Variants in OPA3 observed in about 807,000 individuals in gnomAD.
OPA3 encodes the protein optic atrophy 3 protein.
In OPA3, 6 loss-of-function variants were observed where a neutral mutation model predicts 4.0. The ratio of observed to expected loss-of-function variants is 1.51; its 90% CI spans 0.83 to 2.99. OPA3 has a LOEUF of 2.99. OPA3 is among the 30% of genes most tolerant of loss of function. The pLI is 0.00. For missense variants in OPA3, 235 were observed against 256.2 expected (o/e 0.92, Z 0.56); for synonymous variants, 105 against 117.1 (o/e 0.90, Z 0.67).
In OPA3 at chr19:45,549,362, T is replaced by TCAGGGCAGGG; in HGVS notation, c.*4142_*4151dup. On this transcript the variant is annotated 3_prime_UTR_variant, in exon 2 of 2. Coordinates refer to ENST00000263275, the MANE Select transcript of OPA3 (RefSeq NM_025136.4). ...GCTGCCCACGATGACTGGCTGCCTGTCAGGGCAGGGCAGGGCAGGGCTGAG... is the reference window on the plus strand; with the variant it reads ...GCTGCCCACGATGACTGGCTGCCTGTCAGGGCAGGGCAGGGCAGGGCAGGGCAGGGCTGAG... 3 of 983,942 alleles carry TCAGGGCAGGG rather than the reference T, an allele frequency of 3.0e-6. No individual in the cohort carries two copies. Among genetic ancestry groups the TCAGGGCAGGG allele is most frequent in the Non-Finnish European group, 3.6e-6 (3 of 829,458 alleles). The allele number at this position is 983,942 out of a possible 1,614,324, so 61.0% of individuals were successfully genotyped here.
rs1366675191 is a variant in OPA3 at position 45,584,767 on chromosome 19, TGGC to T, written c.-6_-4del. The T allele has an allele frequency of 1.9e-6, 3 of 1,613,690 alleles. No homozygotes were observed. The East Asian group carries it at 6.7e-5, about 36-fold the overall frequency. ...ATAGGGAACGCGCCCACCACCATCT[TGGC>T]GGTCTCACAGGGCACGCGCAACCTT... On this transcript the variant is annotated 5_prime_UTR_variant, in exon 1 of 2. Coordinates refer to ENST00000263275, the MANE Select transcript of OPA3 (RefSeq NM_025136.4).
At position 45,549,896 on chromosome 19, in the gene OPA3, G is replaced by A. The variant is rs963014773; in HGVS notation, c.*3618C>T. On this transcript the variant is annotated 3_prime_UTR_variant, in exon 2 of 2. Transcript: ENST00000263275. ...TTTCAGGCCAGGCGCGGTGGCTCAC[G>A]CCTGTAATCCCAGCACTTTGGGAGG... 1.1e-5 allele frequency: 11 copies of A among 983,902 alleles called. No homozygotes were observed. The highest frequency in any genetic ancestry group is 8.8e-5 in the African/African-American group (5 of 57,140). The allele number at this position is 983,902 out of a possible 1,614,324, so 60.9% of individuals were successfully genotyped here.
chr19:45,559,522 C>G (rs975511880), intron 1 of OPA3, among the ~76,000 whole-genome samples: 1 of 150,378 alleles, frequency 6.6e-6, no homozygotes, highest in African/African-American at 2.4e-5. Flanking sequence ...TCACCTCAGC[C>G]TCCCATGTAG....
chr19:45,559,368 TTCTC>T (rs1245167113), intron 1 of OPA3, among the ~76,000 whole-genome samples: 1 of 150,948 alleles, frequency 6.6e-6, no homozygotes. Context: ...TTTCTTTCTC[TTCTC>T]TCTCTTCTTT....
In OPA3 at chr19:45,553,096, G is replaced by A; in HGVS notation, c.*418C>T. 2 of 1,128,268 alleles carry A rather than the reference G, an allele frequency of 1.8e-6. No homozygotes were observed. The highest frequency in any genetic ancestry group is 2.2e-6 in the Non-Finnish European group (2 of 914,598). The allele number at this position is 1,128,268 out of a possible 1,614,324, so 69.9% of individuals were successfully genotyped here. On this transcript the variant is annotated 3_prime_UTR_variant, in exon 2 of 2. Coordinates refer to ENST00000263275, the MANE Select transcript of OPA3 (RefSeq NM_025136.4). Reference sequence around the variant, plus strand: ...TTCCTTACAGTGGTCTGTGCCGATTGACAAAAAGAAGAAGGTGTTCCAGTG... The same window carrying A: ...TTCCTTACAGTGGTCTGTGCCGATTAACAAAAAGAAGAAGGTGTTCCAGTG...
In OPA3 at chr19:45,550,139, G is replaced by T; in HGVS notation, c.*3375C>A. 1.1e-6 allele frequency: 1 copy of T among 902,558 alleles called. No homozygotes were observed. Among genetic ancestry groups the T allele is most frequent in the Non-Finnish European group, 1.3e-6 (1 of 754,540 alleles). The allele number at this position is 902,558 out of a possible 1,614,324, so 55.9% of individuals were successfully genotyped here. A position where few individuals can be genotyped will look rare whatever the true frequency, so the allele number is the denominator to read the frequency against. On this transcript the variant is annotated 3_prime_UTR_variant, in exon 2 of 2. Coordinates refer to ENST00000263275, the MANE Select transcript of OPA3 (RefSeq NM_025136.4). The stretch of plus-strand genomic sequence containing the variant: ...CACCACTGCACTCCGTCAGGGTGAC[G>T]GAGCTAGACTGTCTCCGAAAGAAAA...
rs779505447 is a variant in OPA3, at chr19:45,553,551, C to A, written c.503G>T (p.Arg168Leu). The A allele has an allele frequency of 6.2e-7, 1 of 1,613,362 alleles. No individual in the cohort carries two copies. Among genetic ancestry groups the A allele is most frequent in the Non-Finnish European group, 8.5e-7 (1 of 1,179,996 alleles). ...CGCAGGCACTGCGTGGGAAGCGGAC[C>A]GGCCGGGATTGCAGAGCTGGGCGCG... ...EVRAQLCNPGRSASHAVPASK... is the reference protein window; with the variant it reads ...EVRAQLCNPGLSASHAVPASK... The change falls in exon 2 of 2, where the codon CGG becomes CTG. Residue 168 changes from arginine to leucine, a missense_variant. Physicochemically the swap from Arg to Leu is moderately radical, Grantham distance 102. Transcript: ENST00000263275.
intron 1 of OPA3, among the ~76,000 whole-genome samples, chr19:45,583,597 G>A (rs1405610961): frequency 6.6e-6 from 1 of 152,114 alleles, no homozygotes; most frequent in Non-Finnish European, 1.5e-5. Context: ...CACCTACCAG[G>A]TTCAAGCGAT....
At chr19:45,572,512 A>G (rs1258918288) in intron 1 of OPA3, among the ~76,000 whole-genome samples, 4 of 78,620 alleles carry the variant, frequency 5.1e-5, no homozygotes, top group Admixed American at 1.4e-4. Context: ...TATATATCAT[A>G]TATGAGATAT....
At chr19:45,578,976 A>G (rs960670973) in intron 1 of OPA3, among the ~76,000 whole-genome samples, 1 of 152,120 alleles carries the variant, frequency 6.6e-6, no homozygotes, top group Non-Finnish European at 1.5e-5. Context: ...CTTTCCCGTC[A>G]TCAGTTTCCT....
intron 1 of OPA3, among the ~76,000 whole-genome samples, chr19:45,560,970 C>A (rs888974871): frequency 2.4e-4 from 36 of 152,182 alleles, no homozygotes; most frequent in African/African-American, 8.7e-4. Context: ...CAACCCTTTC[C>A]TCAGGAAATG....
At chr19:45,572,467 T>G (rs1969689694) in intron 1 of OPA3, among the ~76,000 whole-genome samples, 1 of 127,112 alleles carries the variant, frequency 7.9e-6, no homozygotes, top group Non-Finnish European at 1.7e-5. Flanking sequence ...ATATCATATA[T>G]CATATAATAA....
intron 1 of OPA3, among the ~76,000 whole-genome samples, chr19:45,562,751 G>C (rs751644022): frequency 2.7e-4 from 41 of 152,188 alleles, no homozygotes; most frequent in Non-Finnish European, 5.6e-4. Context: ...AGAAGATCCT[G>C]GAACAGGCAG....
chr19:45,541,784 T>C (rs1451043883), downstream of OPA3, among the ~76,000 whole-genome samples: 1 of 152,014 alleles, frequency 6.6e-6, no homozygotes, highest in African/African-American at 2.4e-5. Context: ...AGGCTGGTCT[T>C]GAACTCCTGG....
rs144432336 is a variant in OPA3, at chr19:45,551,506, G to A, written c.*2008C>T. On this transcript the variant is annotated 3_prime_UTR_variant, in exon 2 of 2. Coordinates refer to ENST00000263275, the MANE Select transcript of OPA3 (RefSeq NM_025136.4). ...CAAAATAGAAGAGGGAAAAGGCCATGTGAAGCTGCAGGCAGAGCCAAGGAA... is the reference window on the plus strand; with the variant it reads ...CAAAATAGAAGAGGGAAAAGGCCATATGAAGCTGCAGGCAGAGCCAAGGAA... The A allele has an allele frequency of 1.4e-3, 217 of 157,636 alleles. 1 individual carries two copies. The highest frequency in any genetic ancestry group is 4.7e-3 in the African/African-American group (195 of 41,674). The allele number at this position is 157,636 out of a possible 1,614,324, so 9.8% of individuals were successfully genotyped here. A position where few individuals can be genotyped will look rare whatever the true frequency, so the allele number is the denominator to read the frequency against.
At chr19:45,569,082 C>G (rs891651215) in intron 1 of OPA3, among the ~76,000 whole-genome samples, 1 of 152,144 alleles carries the variant, frequency 6.6e-6, no homozygotes, top group Non-Finnish European at 1.5e-5. Context: ...CCCACCTCTA[C>G]TCTCCTCCCA....
chr19:45,530,015 T>G (rs1190520026), intron 1 of OPA3, among the ~76,000 whole-genome samples: 1 of 152,168 alleles, frequency 6.6e-6, no homozygotes, highest in African/African-American at 2.4e-5. Flanking sequence ...ACTGCAGGTG[T>G]GAGCCACGGA....
downstream of OPA3, among the ~76,000 whole-genome samples, chr19:45,542,456 C>T (rs1969195926): frequency 6.6e-6 from 1 of 152,312 alleles, no homozygotes; most frequent in Non-Finnish European, 1.5e-5. Context: ...GCTTTCTGCT[C>T]CTAGGCTATA....
chr19:45,530,183 G>A (rs1969043856), intron 1 of OPA3, among the ~76,000 whole-genome samples: 1 of 152,104 alleles, frequency 6.6e-6, no homozygotes, highest in African/African-American at 2.4e-5. Context: ...GTGAAACCCC[G>A]TCTCTACTAA....
Sources: allele counts gnomAD v4.1 joint callset (sites outside exome capture counted in the v4.1 genomes callset), GRCh38; gene constraint gnomAD v4.1.1; transcripts MANE v1.5; gene names NCBI Gene and HGNC (gene_info 2026-07-23, HGNC 2026-07-21).